NLRP14: variants seen among roughly 807,000 people sequenced by gnomAD.
The protein encoded by NLRP14 is NACHT, LRR and PYD domains-containing protein 14.
NLRP14 carries 105 observed loss-of-function variants against 94.7 expected under a neutral mutation model. The ratio of observed to expected loss-of-function variants is 1.11; its 90% confidence interval spans 0.95 to 1.30. The LOEUF (loss-of-function observed/expected upper bound fraction) is 1.30, where lower values mean the gene tolerates loss of function less well. Ranked by LOEUF, NLRP14 falls within the 50% of genes most tolerant of loss-of-function variation. The pLI is 0.00. For missense variants in NLRP14, 1,362 were observed against 1,254.1 expected (o/e 1.09, Z -1.30); for synonymous variants, 508 against 459.9 (o/e 1.10, Z -1.34).
the NLRP14 span, chr11:7,090,342 T>C: frequency 6.5e-7 from 1 of 1,543,204 alleles, no homozygotes; most frequent in Non-Finnish European, 8.8e-7. Context: ...TCAACGAAAC[T>C]AACAAAAAGA....
chr11:7,074,998 A>G (rs1852856751), downstream of NLRP14, among the ~76,000 whole-genome samples: 1 of 152,196 alleles, frequency 6.6e-6, no homozygotes, highest in Non-Finnish European at 1.5e-5. Flanking sequence ...CCTGGGGAAG[A>G]TAAGCTAGTT....
At position 7,057,765 on chromosome 11, in the gene NLRP14, T is replaced by C. The variant is rs775008043; in HGVS notation, c.2380T>C (p.Ser794Pro). The C allele has an allele frequency of 1.7e-5, 28 of 1,612,096 alleles. No homozygotes were observed. In the African/African-American group the frequency reaches 3.7e-4, roughly 22 times the overall value. Residue 794 changes from serine to proline, a missense_variant, in exon 7 of 12, where the codon TCA becomes CCA. Transcript: ENST00000299481. ...RSQSLIFLNL[S>P]TNNLLDDGVQ... ...CCAGAGCCTGATATTTCTGAATCTG[T>C]CAACCAATAATCTGTTGGATGATGG... is the stretch of plus-strand genomic sequence containing the variant.
chr11:7,056,371 ATTC>A (rs1417071710), intron 6 of NLRP14, among the ~76,000 whole-genome samples: 1 of 151,900 alleles, frequency 6.6e-6, no homozygotes, highest in Non-Finnish European at 1.5e-5. Context: ...AGACAAAATC[ATTC>A]TTATAAAAGA....
At chr11:7,089,413 C>T in the NLRP14 span, 6 of 1,577,100 alleles carry the variant, frequency 3.8e-6, no homozygotes, top group Non-Finnish European at 5.2e-6. Context: ...GGCCCGCCGC[C>T]TCCCCGCAGC....
At chr11:7,073,081 T>A (rs911358148), downstream of NLRP14, among the ~76,000 whole-genome samples, 1 of 152,188 alleles carries the variant, frequency 6.6e-6, no homozygotes, top group African/African-American at 2.4e-5. Flanking sequence ...TTAGGGCCTC[T>A]CCATGTGGTT....
rs1324064837 is a variant in NLRP14, at chr11:7,070,282, A to G, written c.2976-4A>G. ...TTTTTATCTTTTGTCTCTCTTCTCT[A>G]CAGGTTGGAATACTGTGGTTTGACA... On this transcript the variant is annotated splice_polypyrimidine_tract_variant and splice_region_variant and intron_variant, in intron 10 of 11. Coordinates refer to ENST00000299481, the MANE Select transcript of NLRP14 (RefSeq NM_176822.4). 3.7e-6 allele frequency: 6 copies of G among 1,604,480 alleles called. No homozygotes were observed. The highest frequency in any genetic ancestry group is 4.3e-6 in the Non-Finnish European group (5 of 1,171,916).
chr11:7,025,465 T>A (rs1373735587), intron 1 of NLRP14, among the ~76,000 whole-genome samples: 1 of 151,920 alleles, frequency 6.6e-6, no homozygotes, highest in Non-Finnish European at 1.5e-5. Context: ...CCACAAAAAA[T>A]TATGGACAAG....
chr11:7,039,704 C>T lies in NLRP14; in HGVS notation c.290-10C>T. ...ATTAAATATCATGATCCTATCGGAA[C>T]CTGTTGCAGGGTCGGCCCAGACTAT... is the stretch of plus-strand genomic sequence containing the variant. On this transcript the variant is annotated splice_polypyrimidine_tract_variant and intron_variant, in intron 2 of 11. Coordinates refer to ENST00000299481, the MANE Select transcript of NLRP14 (RefSeq NM_176822.4). The T allele has an allele frequency of 6.2e-7, 1 of 1,609,444 alleles. No individual in the cohort carries two copies. The highest frequency in any genetic ancestry group is 8.5e-7 in the Non-Finnish European group (1 of 1,175,778).
chr11:7,087,226 T>G, the NLRP14 span, among the ~76,000 whole-genome samples: 1 of 152,220 alleles, frequency 6.6e-6, no homozygotes, highest in Non-Finnish European at 1.5e-5. Flanking sequence ...GCCCCCCACT[T>G]CAAGAGATAT....
At chr11:7,030,738 G>A (rs940367194) in intron 1 of NLRP14, among the ~76,000 whole-genome samples, 1 of 152,174 alleles carries the variant, frequency 6.6e-6, no homozygotes, top group African/African-American at 2.4e-5. Context: ...TAATCGTACG[G>A]ATTTTAGATG....
the NLRP14 span, among the ~76,000 whole-genome samples, chr11:7,078,783 C>T: frequency 2.6e-5 from 4 of 151,652 alleles, no homozygotes; most frequent in South Asian, 2.1e-4. Flanking sequence ...AGTGACACTC[C>T]GTCTCAAAAA....
downstream of NLRP14, among the ~76,000 whole-genome samples, chr11:7,075,475 C>G (rs1392445196): frequency 6.6e-6 from 1 of 152,142 alleles, no homozygotes; most frequent in African/African-American, 2.4e-5. Context: ...AATTCAGTCT[C>G]TTTGTGAGGT....
intron 5 of NLRP14, among the ~76,000 whole-genome samples, chr11:7,048,734 A>T (rs1852396812): frequency 6.6e-6 from 1 of 152,136 alleles, no homozygotes; most frequent in Non-Finnish European, 1.5e-5. Flanking sequence ...GGATGTCATC[A>T]ATCCGGATCT....
chr11:7,058,354 C>CA lies in NLRP14; in HGVS notation c.2538dup (p.His847ThrfsTer11). 6.2e-7 allele frequency: 1 copy of CA among 1,612,478 alleles called. No individual in the cohort carries two copies. The highest frequency in any genetic ancestry group is 1.1e-5 in the South Asian group (1 of 91,048). On this transcript the variant is annotated frameshift_variant, in exon 8 of 12. Transcript: ENST00000299481. LOFTEE classifies it high-confidence loss of function. ...GCTCTCATCAGCAATAAAAGACTGA[C>CA]ACATTTGTGCTTGGCAGACAATGTC...
intron 9 of NLRP14, among the ~76,000 whole-genome samples, chr11:7,061,056 G>A (rs1035698943): frequency 2.0e-5 from 3 of 151,930 alleles, no homozygotes; most frequent in African/African-American, 7.3e-5. Context: ...GTCATTAATG[G>A]TCTAACCCCA....
At chr11:7,033,206 G>A (rs1276458433) in intron 1 of NLRP14, among the ~76,000 whole-genome samples, 1 of 152,196 alleles carries the variant, frequency 6.6e-6, no homozygotes, top group African/African-American at 2.4e-5. Context: ...TACAAGCAGT[G>A]CTGCTGTAGT....
chr11:7,045,877 T>C (rs1236186564), intron 4 of NLRP14, among the ~76,000 whole-genome samples: 1 of 152,086 alleles, frequency 6.6e-6, no homozygotes, highest in Non-Finnish European at 1.5e-5. Context: ...AAATAGATAC[T>C]ATTATCTTCA....
chr11:7,060,148 C>T (rs2119686205), intron 9 of NLRP14, 84 bp downstream of exon 9: 1 of 1,201,582 alleles, frequency 8.3e-7, no homozygotes, highest in East Asian at 2.3e-5. Flanking sequence ...GAGAACCGAG[C>T]ATCTATCAGA....
Position 7,058,422 on chromosome 11 carries a change from C to A in NLRP14, c.2605C>A (p.His869Asn). 6.2e-7 allele frequency: 1 copy of A among 1,612,402 alleles called. No homozygotes were observed. The highest frequency in any genetic ancestry group is 8.5e-7 in the Non-Finnish European group (1 of 1,178,640). ...GVKLMSDALQ[H>N]AQCTLKSLVL... Reference sequence around the variant, plus strand: ...AAAGCTTATGAGTGATGCCCTGCAACATGCACAATGTACTCTGAAGAGCCT... The same window carrying A: ...AAAGCTTATGAGTGATGCCCTGCAAAATGCACAATGTACTCTGAAGAGCCT... The change falls in exon 8 of 12, where the codon CAT (histidine) becomes AAT (asparagine). Residue 869 changes from histidine to asparagine, a missense_variant. Transcript: ENST00000299481.
Sources: gnomAD v4.1 joint callset for allele counts (sites outside exome capture counted in the v4.1 genomes callset) on GRCh38, gnomAD v4.1.1 for gene constraint, MANE v1.5 for transcripts, NCBI Gene and HGNC (gene_info 2026-07-23, HGNC 2026-07-21) for gene names.